DTNB: variants seen among roughly 807,000 people sequenced by gnomAD.
DTNB encodes dystrobrevin beta, also known as DTN-B.
Under a neutral mutation model 90.7 loss-of-function variants are expected in DTNB, and 63 were observed. That is an observed-to-expected ratio of 0.69 (90% CI 0.57 to 0.86). The LOEUF (loss-of-function observed/expected upper bound fraction) is 0.86. Ranked by LOEUF, DTNB falls within the 40% of genes least tolerant of loss-of-function variation. The probability of loss-of-function intolerance (pLI) is 0.00; values close to 1 mark genes in which losing one functional copy is unlikely to be tolerated. For missense variants in DTNB, 744 were observed against 807.1 expected (o/e 0.92, Z 0.95); for synonymous variants, 277 against 286.7 (o/e 0.97, Z 0.34).
intron 16 of DTNB, among the ~76,000 whole-genome samples, chr2:25,405,665 C>A (rs2044941778): frequency 6.6e-6 from 1 of 151,458 alleles, no homozygotes; most frequent in Non-Finnish European, 1.5e-5. Context: ...TTAATGGTTA[C>A]ATTTTAAATG....
At chr2:25,403,837 G>A (rs190646900) in intron 16 of DTNB, among the ~76,000 whole-genome samples, 3 of 152,234 alleles carry the variant, frequency 2.0e-5, no homozygotes, top group Admixed American at 2.0e-4. Context: ...TTGCTATGTT[G>A]CCAGGGTTGG....
intron 12 of DTNB, among the ~76,000 whole-genome samples, chr2:25,445,396 G>A (rs1372421928): frequency 6.6e-6 from 1 of 152,140 alleles, no homozygotes; most frequent in African/African-American, 2.4e-5. Flanking sequence ...AGATACGTGA[G>A]CTGACATTAG....
At chr2:25,588,718 T>C (rs1160729569) in intron 6 of DTNB, among the ~76,000 whole-genome samples, 1 of 152,180 alleles carries the variant, frequency 6.6e-6, no homozygotes, top group Non-Finnish European at 1.5e-5. Context: ...TACAACTCAG[T>C]TGAAGTGACA....
Position 25,638,563 on chromosome 2 carries a change from GAC to G in DTNB, c.148+449_148+450del, listed in dbSNP as rs560544879. On this transcript the variant is annotated intron_variant, in intron 3 of 20. Transcript: ENST00000406818. The stretch of plus-strand genomic sequence containing the variant: ...ACAGACATACATATACATATATACA[GAC>G]ACACACACACTTTATTTTATGATCC... Among the ~76,000 whole-genome samples the G allele has an allele frequency of 2.0e-4, 31 of 152,168 alleles. 2 individuals carry two copies. Among genetic ancestry groups the G allele is most frequent in the Admixed American group, 9.2e-4 (14 of 15,294 alleles).
intron 3 of DTNB, among the ~76,000 whole-genome samples, chr2:25,635,008 A>T (rs1365341734): frequency 1.4e-5 from 2 of 143,406 alleles, no homozygotes; most frequent in Admixed American, 7.0e-5. Flanking sequence ...TTGTCCTATG[A>T]CCCTGCCAAA....
chr2:25,507,125 T>C (rs1420440644), intron 9 of DTNB, among the ~76,000 whole-genome samples: 1 of 152,244 alleles, frequency 6.6e-6, no homozygotes, highest in Non-Finnish European at 1.5e-5. Context: ...TATCTGTAAG[T>C]TGACAATTCC....
Position 25,639,075 on chromosome 2 carries a change from G to C in DTNB, c.87C>G (p.Val29=), listed in dbSNP as rs1418331295. ...FIEMRAQNFD[V]IRLSTYRTAC... Reference sequence around the variant, plus strand: ...CTGTTCTGTAAGTTGATAGTCGTATGACATCAAAATTCTGAGCACCTGAAA... The same window carrying C: ...CTGTTCTGTAAGTTGATAGTCGTATCACATCAAAATTCTGAGCACCTGAAA... The change falls in exon 3 of 21, where the codon GTC becomes GTG. Residue 29 remains valine, a synonymous_variant. Coordinates refer to ENST00000406818, the MANE Select transcript of DTNB (RefSeq NM_021907.5). 1 of 1,585,914 alleles carries C rather than the reference G, an allele frequency of 6.3e-7. No individual in the cohort carries two copies. The highest frequency in any genetic ancestry group is 8.6e-7 in the Non-Finnish European group (1 of 1,162,538).
intron 9 of DTNB, 143 bp from the exon 10 acceptor site, chr2:25,483,016 T>G (rs1574991575): frequency 5.5e-5 from 35 of 634,444 alleles, no homozygotes; most frequent in South Asian, 1.5e-4. Flanking sequence ...GGGGGACCCA[T>G]GGGGAAGGGG....
intron 6 of DTNB, chr2:25,594,928 C>A (rs1298466016): frequency 6.6e-6 from 1 of 152,234 alleles, no homozygotes; most frequent in East Asian, 1.9e-4. Flanking sequence ...CCAATTGTCC[C>A]AATAACGTCC....
chr2:25,503,149 C>A (rs58742270), intron 9 of DTNB, among the ~76,000 whole-genome samples: 7 of 147,446 alleles, frequency 4.7e-5, no homozygotes, highest in Non-Finnish European at 1.0e-4. Flanking sequence ...CTCTATTTGC[C>A]GATGACATGA....
intron 10 of DTNB, among the ~76,000 whole-genome samples, chr2:25,467,377 C>T (rs2061992133): frequency 6.7e-6 from 1 of 150,302 alleles, no homozygotes; most frequent in African/African-American, 2.5e-5. Flanking sequence ...CAACTCACTG[C>T]AGCCTCAAAC....
At chr2:25,481,075 A>G (rs1193673298) in intron 10 of DTNB, among the ~76,000 whole-genome samples, 2 of 152,112 alleles carry the variant, frequency 1.3e-5, no homozygotes, top group Non-Finnish European at 2.9e-5. Flanking sequence ...AAAGGTAGAT[A>G]TTATTTTTGT....
rs565317072 is a variant in DTNB at position 25,640,096 on chromosome 2, CTGTT to C, written c.68-1006_68-1003del. Reference sequence around the variant, plus strand: ...CCCACAAAACGCATAAATAGAATGACTGTTTGAGGGGTAAGCGATATATGGCCAG... The same window carrying C: ...CCCACAAAACGCATAAATAGAATGACTGAGGGGTAAGCGATATATGGCCAG... On this transcript the variant is annotated intron_variant, in intron 2 of 20. Transcript: ENST00000406818. Among the ~76,000 whole-genome samples the C allele has an allele frequency of 7.9e-5, 12 of 152,284 alleles. No individual in the cohort carries two copies. In the East Asian group the frequency reaches 1.7e-3, roughly 22 times the overall value.
chr2:25,553,263 C>T (rs2056685438), intron 8 of DTNB, among the ~76,000 whole-genome samples: 1 of 151,946 alleles, frequency 6.6e-6, no homozygotes, highest in Admixed American at 6.6e-5. Context: ...CATCACTCAA[C>T]CAATATGTTA....
At chr2:25,508,637 C>T (rs913670786) in intron 9 of DTNB, among the ~76,000 whole-genome samples, 5 of 149,858 alleles carry the variant, frequency 3.3e-5, no homozygotes, top group East Asian at 2.0e-4. Flanking sequence ...CGGGTTCAAG[C>T]GATACTCCCA....
In DTNB at chr2:25,638,263, C is replaced by T. The variant is rs560935477; in HGVS notation, c.148+751G>A. Among the ~76,000 whole-genome samples, 4 of 152,144 alleles carry T rather than the reference C, an allele frequency of 2.6e-5. No individual in the cohort carries two copies. In the East Asian group the frequency reaches 5.8e-4, roughly 22 times the overall value. ...TAGGAGATATACCTAATGTAAATGA[C>T]GAGTTAATGGGTGCAGCACACCAAC... On this transcript the variant is annotated intron_variant, in intron 3 of 20. Coordinates refer to ENST00000406818, the MANE Select transcript of DTNB (RefSeq NM_021907.5).
At chr2:25,543,470 A>G (rs765509252) in intron 8 of DTNB, among the ~76,000 whole-genome samples, 1 of 151,868 alleles carries the variant, frequency 6.6e-6, no homozygotes, top group East Asian at 1.9e-4. Context: ...ACGCCCAGCT[A>G]ATTTTTGTAT....
intron 12 of DTNB, among the ~76,000 whole-genome samples, chr2:25,438,620 T>C (rs1433213672): frequency 6.6e-6 from 1 of 152,182 alleles, no homozygotes; most frequent in Non-Finnish European, 1.5e-5. Context: ...ACAGACAAAT[T>C]TCCCATACAG....
At chr2:25,540,741 C>T (rs2081033862) in intron 8 of DTNB, among the ~76,000 whole-genome samples, 2 of 152,172 alleles carry the variant, frequency 1.3e-5, no homozygotes, top group South Asian at 4.1e-4. Flanking sequence ...TATGACCTTA[C>T]CCCCAACCCT....
Sources: allele counts gnomAD v4.1 joint callset (sites outside exome capture counted in the v4.1 genomes callset), GRCh38; gene constraint gnomAD v4.1.1; transcripts MANE v1.5; gene names NCBI Gene and HGNC (gene_info 2026-07-23, HGNC 2026-07-21).